Variants in SSH2 observed in about 807,000 individuals in gnomAD.
SSH2 encodes protein phosphatase Slingshot homolog 2.
Under a neutral mutation model 135.2 loss-of-function variants are expected in SSH2, and 37 were observed. The ratio of observed to expected loss-of-function variants is 0.27; its 90% CI spans 0.21 to 0.36. SSH2 has a LOEUF of 0.36. SSH2 is among the 10% of genes least tolerant of loss of function. The pLI is 1.00. For missense variants in SSH2, 1,408 were observed against 1,765.3 expected, an observed-to-expected ratio of 0.80 and a Z score of 3.63; for synonymous variants, 628 against 646.2, an observed-to-expected ratio of 0.97 and a Z score of 0.43.
chr17:29,665,558 T>G (rs1012841977), intron 11 of SSH2, among the ~76,000 whole-genome samples: 4 of 152,196 alleles, frequency 2.6e-5, no homozygotes, highest in Admixed American at 2.6e-4. Context: ...TTCTAATCAT[T>G]TCACAGTTCA....
intron 2 of SSH2, among the ~76,000 whole-genome samples, chr17:29,807,126 G>A (rs865974360): frequency 6.6e-6 from 1 of 152,276 alleles, no homozygotes; most frequent in Non-Finnish European, 1.5e-5. Context: ...AAATAAGGAC[G>A]AAGAACATGT....
chr17:29,843,145 C>G (rs2043072006), intron 2 of SSH2, among the ~76,000 whole-genome samples: 2 of 152,224 alleles, frequency 1.3e-5, no homozygotes, highest in African/African-American at 4.8e-5. Flanking sequence ...ACCATCCCCA[C>G]CTTCCAGCTA....
intron 3 of SSH2, among the ~76,000 whole-genome samples, chr17:29,751,233 T>C (rs1385579717): frequency 2.0e-5 from 3 of 151,974 alleles, no homozygotes; most frequent in South Asian, 2.1e-4. Context: ...CTGATCAACA[T>C]AGTGAAACCC....
chr17:29,719,979 G>A (rs761583234), intron 3 of SSH2, among the ~76,000 whole-genome samples: 3 of 152,224 alleles, frequency 2.0e-5, no homozygotes, highest in East Asian at 1.9e-4. Flanking sequence ...GGGTGGTCTC[G>A]AACTCCTGAC....
At chr17:29,760,973 C>T in intron 3 of SSH2, 1 of 492,688 alleles carries the variant, frequency 2.0e-6, no homozygotes, top group African/African-American at 2.1e-5. Flanking sequence ...CTCCATGAAT[C>T]CCCCCACCGT....
At chr17:29,680,875 T>C (rs1433772789) in intron 6 of SSH2, among the ~76,000 whole-genome samples, 1 of 152,174 alleles carries the variant, frequency 6.6e-6, no homozygotes, top group Non-Finnish European at 1.5e-5. Context: ...GGTGGGTTGG[T>C]AGCCCAATGA....
intron 11 of SSH2, among the ~76,000 whole-genome samples, chr17:29,655,814 T>A (rs1219660722): frequency 6.6e-6 from 1 of 152,216 alleles, no homozygotes; most frequent in African/African-American, 2.4e-5. Context: ...TTTTTACAGA[T>A]ACAAAAACCA....
chr17:29,902,638 C>CA (rs1308404876), intron 1 of SSH2, among the ~76,000 whole-genome samples: 10 of 152,012 alleles, frequency 6.6e-5, no homozygotes, highest in Non-Finnish European at 1.5e-4. Flanking sequence ...TTTAACTACT[C>CA]AGTCTCTGAG....
chr17:29,631,883 G>C lies in SSH2; in HGVS notation c.3311C>G (p.Pro1104Arg). The C allele has an allele frequency of 1.9e-6, 3 of 1,614,224 alleles. No homozygotes were observed. The highest frequency in any genetic ancestry group is 2.5e-6 in the Non-Finnish European group (3 of 1,180,038). Residue 1104 changes from proline to arginine, a missense_variant, in exon 16 of 16, where the codon CCT becomes CGT. By Grantham distance (103) the Pro-to-Arg change is moderately radical. Transcript: ENST00000540801. The stretch of plus-strand genomic sequence containing the variant: ...CTCAGGGGAGGAAGAATGAGGCAGA[G>C]GTAGCACTTGGGGGTGCAGAGAAAC... ...NQVSLHPQVL[P>R]LPHSSSPEHN... is the part of the protein sequence containing the mutation.
chr17:29,721,359 T>G (rs2151167376), intron 3 of SSH2, among the ~76,000 whole-genome samples: 1 of 152,332 alleles, frequency 6.6e-6, no homozygotes, highest in South Asian at 2.1e-4. Context: ...CCTGGATTGC[T>G]TTTAGGTTTT....
chr17:29,905,915 G>A (rs758585558), intron 1 of SSH2, among the ~76,000 whole-genome samples: 1 of 152,254 alleles, frequency 6.6e-6, no homozygotes, highest in Non-Finnish European at 1.5e-5. Flanking sequence ...TCTGCTGAGA[G>A]TTTCAGAGAC....
At chr17:29,753,141 A>G (rs1397267236) in intron 3 of SSH2, among the ~76,000 whole-genome samples, 1 of 151,970 alleles carries the variant, frequency 6.6e-6, no homozygotes, top group Non-Finnish European at 1.5e-5. Context: ...GCCTTTTTTA[A>G]ATTTTTTGAG....
chr17:29,848,836 T>C lies in SSH2; in HGVS notation c.144+13A>G. 6.7e-7 allele frequency: 1 copy of C among 1,500,122 alleles called. No individual in the cohort carries two copies. Among genetic ancestry groups the C allele is most frequent in the South Asian group, 1.2e-5 (1 of 82,622 alleles). The allele number at this position is 1,500,122 out of a possible 1,614,324, so 92.9% of individuals were successfully genotyped here. The stretch of plus-strand genomic sequence containing the variant: ...AATCACCAAAGTCTGTATAAAAACA[T>C]ATACCTACGTACATTGGAATCAGTA... On this transcript the variant is annotated intron_variant, in intron 2 of 15. Transcript: ENST00000540801.
chr17:29,761,303 C>G (rs1382906196), intron 3 of SSH2: 3 of 1,270,910 alleles, frequency 2.4e-6, no homozygotes, highest in South Asian at 2.5e-5. Context: ...TGCACAACTC[C>G]GCATCCTGGC....
intron 2 of SSH2, among the ~76,000 whole-genome samples, chr17:29,838,476 G>C (rs565442521): frequency 1.3e-5 from 2 of 152,358 alleles, no homozygotes; most frequent in South Asian, 2.1e-4. Flanking sequence ...CAGGCTGCTG[G>C]TCCCGCAGAC....
At chr17:29,866,102 CAAAA>C (rs34216701) in intron 1 of SSH2, 5 of 113,714 alleles carry the variant, frequency 4.4e-5, no homozygotes, top group Non-Finnish European at 3.7e-5. Context: ...AACTCCATCT[CAAAA>C]AAAAAAAAAA....
chr17:29,831,745 T>TC (rs1361081123), intron 2 of SSH2, among the ~76,000 whole-genome samples: 1 of 151,804 alleles, frequency 6.6e-6, no homozygotes, highest in Non-Finnish European at 1.5e-5. Flanking sequence ...CTAAGTTTTT[T>TC]TTTTTTGTAT....
chr17:29,808,295 A>C (rs1479349565), intron 2 of SSH2, among the ~76,000 whole-genome samples: 3 of 152,064 alleles, frequency 2.0e-5, no homozygotes, highest in South Asian at 4.1e-4. Context: ...CGCCTGGCTA[A>C]TTTTTGTACT....
rs775870295 is a variant in SSH2 at position 29,631,635 on chromosome 17, A to G, written c.3559T>C (p.Trp1187Arg). ...TDEPSAEQVS[W>R]EESQESPLSS... ...AGAGGGCTCTCCTGACTTTCTTCCCAGCTAACCTGTTCTGCAGAGGGCTCA... is the reference window on the plus strand; with the variant it reads ...AGAGGGCTCTCCTGACTTTCTTCCCGGCTAACCTGTTCTGCAGAGGGCTCA... The change falls in exon 16 of 16, where the codon TGG (tryptophan) becomes CGG (arginine). Residue 1187 changes from tryptophan to arginine, a missense_variant. Coordinates refer to ENST00000540801, the MANE Select transcript of SSH2 (RefSeq NM_001282129.2). 1.2e-6 allele frequency: 2 copies of G among 1,614,174 alleles called. No individual in the cohort carries two copies. Among genetic ancestry groups the G allele is most frequent in the Non-Finnish European group, 8.5e-7 (1 of 1,180,014 alleles).
Sources: allele counts gnomAD v4.1 joint callset (sites outside exome capture counted in the v4.1 genomes callset), GRCh38; gene constraint gnomAD v4.1.1; transcripts MANE v1.5; gene names NCBI Gene and HGNC (gene_info 2026-07-23, HGNC 2026-07-21).